AGO1: variants seen among roughly 807,000 people sequenced by gnomAD.
AGO1 encodes protein argonaute-1.
Under a neutral mutation model 109.2 loss-of-function variants are expected in AGO1, and 11 were observed. The observed-to-expected ratio is 0.10, with a 90% CI of 0.06 to 0.17. The LOEUF is 0.17. Ranked by LOEUF, AGO1 falls within the 10% of genes least tolerant of loss-of-function variation. The pLI, the probability that AGO1 is intolerant of heterozygous loss-of-function variation, is 1.00. For missense variants in AGO1, 574 were observed against 1,140.3 expected (o/e 0.50, Z 7.15); for synonymous variants, 422 against 418.6 (o/e 1.01, Z -0.10).
chr1:35,893,124 G>A lies in AGO1; in HGVS notation c.358G>A (p.Glu120Lys). 1 of 1,614,116 alleles carries A rather than the reference G, an allele frequency of 6.2e-7. No homozygotes were observed. The highest frequency in any genetic ancestry group is 8.5e-7 in the Non-Finnish European group (1 of 1,179,994). Residue 120 changes from glutamate (E) to lysine (K), a missense_variant, in exon 4 of 19, where the codon GAA (glutamate) becomes AAA (lysine). Around this residue, in one of 8 missense-constraint regions of AGO1, gnomAD observed 129 missense variants for 243.0 expected, o/e 0.53. Transcript: ENST00000373204. This position sits in a 1 kb window ranked among gnomAD's most constrained non-coding sequence, Gnocchi z 5.6. ...RVDFEVTIPG[E>K]GKDRIFKVSI... is the part of the protein sequence containing the mutation. ...CGACTTTGAGGTGACAATCCCTGGG[G>A]AAGGGAAGGATCGAATCTTTAAGGT...
upstream of AGO1, among the ~76,000 whole-genome samples, chr1:35,880,487 G>C (rs1402961142): frequency 6.6e-6 from 1 of 152,142 alleles, no homozygotes; most frequent in East Asian, 1.9e-4. Context: ...ACTTGCGCCT[G>C]AGAGGTGGAG....
At chr1:35,900,224 A>G (rs975827036) in intron 8 of AGO1, among the ~76,000 whole-genome samples, 3 of 152,158 alleles carry the variant, frequency 2.0e-5, no homozygotes, top group African/African-American at 7.2e-5. Flanking sequence ...TGCAGGATGG[A>G]GCAACCTGTC....
chr1:35,880,463 G>C (rs560198626), upstream of AGO1, among the ~76,000 whole-genome samples: 14 of 152,318 alleles, frequency 9.2e-5, no homozygotes, highest in Middle Eastern at 3.4e-3. Context: ...TCGGGAGACT[G>C]AGGTGGGAGA....
chr1:35,906,832 T>C, intron 11 of AGO1, 103 bp from the exon 12 acceptor site: 1 of 818,826 alleles, frequency 1.2e-6, no homozygotes, highest in South Asian at 2.1e-5. Context: ...AAAACCAATC[T>C]CTCAGTGCCT....
chr1:35,882,821 G>A, upstream of AGO1: 1 of 985,428 alleles, frequency 1.0e-6, no homozygotes. The surrounding 1 kb of genome is among the most constrained non-coding windows in gnomAD (Gnocchi z 5.1). Context: ...GGGTGATTGG[G>A]AGGAGAGGTG....
chr1:35,902,161 C>G, intron 10 of AGO1, 43 bp from the exon 11 acceptor site: 1 of 1,599,512 alleles, frequency 6.3e-7, no homozygotes, highest in Non-Finnish European at 8.5e-7. Flanking sequence ...ACCCACCTGA[C>G]TCTACTGAGG....
chr1:35,919,578 G>C lies in AGO1; in HGVS notation c.2545G>C (p.Asp849His). The C allele has an allele frequency of 6.2e-7, 1 of 1,614,168 alleles. No individual in the cohort carries two copies. Among genetic ancestry groups the C allele is most frequent in the Non-Finnish European group, 8.5e-7 (1 of 1,180,028 alleles). Residue 849 changes from aspartate to histidine, a missense_variant, in exon 19 of 19, where the codon GAT becomes CAT. Transcript: ENST00000373204. The surrounding 1 kb of genome is among the most constrained non-coding windows in gnomAD (Gnocchi z 6.6). ...GGCCAAAGCCGTGCAGGTTCACCAG[G>C]ATACTCTGCGCACCATGTACTTCGC... The part of the protein sequence containing the change: ...ALAKAVQVHQ[D>H]TLRTMYFA
intron 12 of AGO1, 44 bp downstream of exon 12, chr1:35,907,163 T>A (rs200223630): frequency 6.5e-7 from 1 of 1,535,982 alleles, no homozygotes; most frequent in East Asian, 2.3e-5. Flanking sequence ...AGGACTCTTC[T>A]CAGCGTAGTT....
Position 35,870,051 on chromosome 1 carries a change from A to T in AGO1, c.-201+148A>T, listed in dbSNP as rs928602902. ...TTAATTTTTAATTTTTATTTATTTA[A>T]TTTTTTTTCCTGTCAGCCTTCTCTT... On this transcript the variant is annotated intron_variant, in intron 1 of 18. Coordinates refer to the AGO1 transcript ENST00000373206. 7.9e-5 allele frequency: 12 copies of T among 151,640 alleles called. 1 individual carries two copies. The highest frequency in any genetic ancestry group is 1.9e-4 in the East Asian group (1 of 5,154). The allele number at this position is 151,640 out of a possible 1,614,324, so 9.4% of individuals were successfully genotyped here.
At position 35,893,329 on chromosome 1, in the gene AGO1, CAG is replaced by C. The variant is rs1557606681; in HGVS notation, c.512+52_512+53del. 3.8e-6 allele frequency: 6 copies of C among 1,569,812 alleles called. No homozygotes were observed. The African/African-American group carries it at 5.4e-5, about 14-fold the overall frequency. ...CTACTAGTGTTGGCAGAACTGCTGT[CAG>C]GGGAGGAGGGGGAGCACATATTAAG... On this transcript the variant is annotated intron_variant, in intron 4 of 18. Coordinates refer to ENST00000373204, the MANE Select transcript of AGO1 (RefSeq NM_012199.5). This position sits in a 1 kb window ranked among gnomAD's most constrained non-coding sequence, Gnocchi z 5.6.
intron 12 of AGO1, among the ~76,000 whole-genome samples, chr1:35,911,145 G>C (rs1471386379): frequency 6.6e-6 from 1 of 152,084 alleles, no homozygotes; most frequent in Non-Finnish European, 1.5e-5. Flanking sequence ...CATTTTTCTT[G>C]GGAGTATATC....
rs1032072401 is a variant in AGO1, at chr1:35,888,232, G to C, written c.26-195G>C. Among the ~76,000 whole-genome samples, 6 of 152,046 alleles carry C rather than the reference G, an allele frequency of 3.9e-5. No individual in the cohort carries two copies. Among genetic ancestry groups the C allele is most frequent in the Non-Finnish European group, 8.8e-5 (6 of 68,028 alleles). On this transcript the variant is annotated intron_variant, in intron 1 of 18. Transcript: ENST00000373204. The surrounding 1 kb of genome is among the most constrained non-coding windows in gnomAD (Gnocchi z 4.1). ...AGGATAATTTTCCTAACTGGAGAGA[G>C]ATTAAAAAAGAAAAAAGAGAAAAAA...
At chr1:35,881,058 C>A (rs1645031000), upstream of AGO1, among the ~76,000 whole-genome samples, 1 of 152,198 alleles carries the variant, frequency 6.6e-6, no homozygotes, top group Non-Finnish European at 1.5e-5. Flanking sequence ...GAAATTGAGA[C>A]ACGGAGAAGT....
intron 12 of AGO1, among the ~76,000 whole-genome samples, chr1:35,910,874 G>T (rs1645620291): frequency 6.6e-6 from 1 of 152,142 alleles, no homozygotes; most frequent in African/African-American, 2.4e-5. Flanking sequence ...ATACCAGCCT[G>T]GCCAACATGG....
chr1:35,883,445 A>C lies in AGO1; in HGVS notation c.24A>C (p.Ala8=), dbSNP rs765152517. 22 of 1,562,746 alleles carry C rather than the reference A, an allele frequency of 1.4e-5. No homozygotes were observed. The highest frequency in any genetic ancestry group is 2.6e-6 in the Non-Finnish European group (3 of 1,159,412). The change falls in exon 1 of 19, where the codon GCA becomes GCC. Residue 8 remains alanine, a splice_region_variant and synonymous_variant. Coordinates refer to ENST00000373204, the MANE Select transcript of AGO1 (RefSeq NM_012199.5). The surrounding 1 kb of genome is among the most constrained non-coding windows in gnomAD (Gnocchi z 5.4). ...GGATGGAAGCGGGACCCTCGGGAGC[A>C]GGTAAGGGTCCCCAGGAGGGGGAAC... MEAGPSG[A]AAGAYLPPLQ...
chr1:35,885,429 T>C lies in AGO1; in HGVS notation c.25+1983T>C, dbSNP rs542372648. ...CTGCTGTTTGGAGTCAGCCAAAGCC[T>C]TGGGAAAAGCCGAATAGGACAGGCT... On this transcript the variant is annotated intron_variant, in intron 1 of 18. Coordinates refer to ENST00000373204, the MANE Select transcript of AGO1 (RefSeq NM_012199.5). Among the ~76,000 whole-genome samples the C allele has an allele frequency of 5.6e-4, 85 of 152,340 alleles. No homozygotes were observed. The South Asian group carries it at 0.017, about 30-fold the overall frequency.
Position 35,902,076 on chromosome 1 carries a change from C to T in AGO1, c.1263+6C>T. 6.3e-7 allele frequency: 1 copy of T among 1,597,360 alleles called. No individual in the cohort carries two copies. The highest frequency in any genetic ancestry group is 8.5e-7 in the Non-Finnish European group (1 of 1,171,622). ...TCTTGCAGTACGGCGGCCGGGTGAG[C>T]AGGGTCAGGGCCAGACAACATCTCG... is the stretch of plus-strand genomic sequence containing the variant. On this transcript the variant is annotated splice_donor_region_variant and intron_variant, in intron 10 of 18. Transcript: ENST00000373204.
At chr1:35,877,701 T>A (rs1645003663) in intron 1 of AGO1, among the ~76,000 whole-genome samples, 3 of 148,556 alleles carry the variant, frequency 2.0e-5, no homozygotes. Flanking sequence ...ATATTAGTAA[T>A]TTTTTTTTTT....
At chr1:35,890,600 CTG>C (rs763700253) in intron 2 of AGO1, among the ~76,000 whole-genome samples, 5 of 152,050 alleles carry the variant, frequency 3.3e-5, no homozygotes, top group South Asian at 2.1e-4. Flanking sequence ...TAAAATGAAA[CTG>C]TTGAATATTA....
Sources: allele counts gnomAD v4.1 joint callset (sites outside exome capture counted in the v4.1 genomes callset), GRCh38; gene constraint gnomAD v4.1.1; regional missense constraint gnomAD v4.1.1; non-coding constraint Gnocchi (gnomAD v3.1); transcripts MANE v1.5; gene names NCBI Gene and HGNC (gene_info 2026-07-23, HGNC 2026-07-21).